The following AIFM2 variants were observed in gnomAD, a reference collection of about 807,000 sequenced individuals.
AIFM2 encodes the protein ferroptosis suppressor protein 1.
A neutral mutation model predicts 35.7 loss-of-function variants in AIFM2; 38 were observed. The ratio of observed to expected loss-of-function variants is 1.06; its 90% CI spans 0.82 to 1.39. The LOEUF is 1.39. AIFM2 is among the 40% of genes most tolerant of loss of function. AIFM2 has a pLI of 0.00. For missense variants in AIFM2, 476 were observed against 491.2 expected, an observed-to-expected ratio of 0.97 and a Z score of 0.29; for synonymous variants, 185 against 203.5, an observed-to-expected ratio of 0.91 and a Z score of 0.77.
rs1378894876 is a variant in AIFM2, at chr10:70,112,929, C to T, written c.*1249G>A. ...CACAAAGTCCCTCAAGGGCCCTCTC[C>T]CCATTCCCAGCATCAGCTGGAGTTT... is the stretch of plus-strand genomic sequence containing the variant. On this transcript the variant is annotated 3_prime_UTR_variant, in exon 9 of 9. Transcript: ENST00000307864. 1 of 152,214 alleles carries T rather than the reference C, an allele frequency of 6.6e-6. No homozygotes were observed. The highest frequency in any genetic ancestry group is 1.5e-5 in the Non-Finnish European group (1 of 68,044). The allele number at this position is 152,214 out of a possible 1,614,324, so 9.4% of individuals were successfully genotyped here.
At chr10:70,123,608 A>T in intron 2 of AIFM2, 88 bp from the exon 3 acceptor site, 1 of 1,229,908 alleles carries the variant, frequency 8.1e-7, no homozygotes, top group Non-Finnish European at 1.2e-6. Context: ...ACGAGCTGCA[A>T]ACCAACAGGG....
Position 70,116,717 on chromosome 10 carries a change from T to C in AIFM2, c.674A>G (p.Lys225Arg), listed in dbSNP as rs139356482. The C allele has an allele frequency of 9.2e-5, 149 of 1,614,190 alleles. 1 individual carries two copies. In the African/African-American group the frequency reaches 1.5e-3, roughly 16 times the overall value. Residue 225 changes from lysine (K) to arginine (R), a missense_variant, in exon 7 of 9, where the codon AAA becomes AGA. Lys to Arg is a conservative substitution (Grantham distance 26). Coordinates refer to ENST00000307864, the MANE Select transcript of AIFM2 (RefSeq NM_032797.6). ...LPLNEYREYI[K>R]VQTDKGTEVA... ...CTCTGTGCCTTTGTCCGTCTGCACT[T>C]TGATGTACTCTCGATACTCATTGAG...
chr10:70,129,954 C>A (rs2072610616), intron 1 of AIFM2, among the ~76,000 whole-genome samples: 1 of 151,892 alleles, frequency 6.6e-6, no homozygotes, highest in Non-Finnish European at 1.5e-5. Context: ...GAGGCCAATG[C>A]AGGCAGATTG....
chr10:70,119,349 G>A (rs981156606), intron 5 of AIFM2, among the ~76,000 whole-genome samples: 6 of 152,328 alleles, frequency 3.9e-5, no homozygotes, highest in Admixed American at 2.0e-4. Context: ...GGACAGAAGC[G>A]TGGGTAAGCT....
In AIFM2 at chr10:70,123,966, A is replaced by G. The variant is rs2072538533; in HGVS notation, c.119T>C (p.Val40Ala). Residue 40 changes from valine to alanine, a missense_variant, in exon 2 of 9, where the codon GTG (valine) becomes GCG (alanine). Transcript: ENST00000307864. ...LQALNVPFMLVDMKDSFHHNV... is the reference protein window; with the variant it reads ...LQALNVPFMLADMKDSFHHNV... ...GTGGTGGAAGGAGTCCTTCATGTCC[A>G]CCAGCATGAAGGGGACGTTCAGGGC... 5 of 1,612,102 alleles carry G rather than the reference A, an allele frequency of 3.1e-6. No homozygotes were observed. The highest frequency in any genetic ancestry group is 4.2e-6 in the Non-Finnish European group (5 of 1,178,880).
Position 70,114,199 on chromosome 10 carries a change from G to A in AIFM2, c.1101C>T (p.Thr367=). 1 of 1,613,468 alleles carries A rather than the reference G, an allele frequency of 6.2e-7. No individual in the cohort carries two copies. The change falls in exon 9 of 9, where the codon ACC becomes ACT. Residue 367 remains threonine (T), a synonymous_variant. Transcript: ENST00000307864. ...RDLFVSTSWK[T]MRQSPP is the part of the protein sequence containing the mutation. ...TCCATCAAGGTGGAGACTGCCTCATGGTTTTCCAGCTCGTAGAGACGAACA... is the reference window on the plus strand; with the variant it reads ...TCCATCAAGGTGGAGACTGCCTCATAGTTTTCCAGCTCGTAGAGACGAACA...
intron 5 of AIFM2, chr10:70,118,165 A>G (rs1011429040): frequency 6.7e-6 from 3 of 444,496 alleles, no homozygotes; most frequent in Non-Finnish European, 1.2e-5. Context: ...CCAATATGCC[A>G]ACATGTCACA....
intron 3 of AIFM2, 98 bp from the exon 4 acceptor site, chr10:70,121,309 G>A (rs1464267458): frequency 3.6e-6 from 5 of 1,406,136 alleles, no homozygotes; most frequent in Admixed American, 3.1e-5. Flanking sequence ...CTCCCGGCCT[G>A]CCAGCCGGGA....
Position 70,117,727 on chromosome 10 carries a change from C to A in AIFM2, c.616+85G>T. On this transcript the variant is annotated intron_variant, in intron 6 of 8. Transcript: ENST00000307864. The surrounding 1 kb of genome is among the most constrained non-coding windows in gnomAD (Gnocchi z 4.7). Reference sequence around the variant, plus strand: ...GAGCCTGGGGTGGACCATAGCCACCCTCCTGCTGGAAGCAGTCACCAAGCC... The same window carrying A: ...GAGCCTGGGGTGGACCATAGCCACCATCCTGCTGGAAGCAGTCACCAAGCC... 8.7e-7 allele frequency: 1 copy of A among 1,149,094 alleles called. No individual in the cohort carries two copies. The allele number at this position is 1,149,094 out of a possible 1,614,324, so 71.2% of individuals were successfully genotyped here.
chr10:70,120,742 C>T (rs1394282953), intron 4 of AIFM2, 143 bp from the exon 5 acceptor site: 5 of 887,192 alleles, frequency 5.6e-6, no homozygotes, highest in Non-Finnish European at 8.9e-6. Context: ...AAACGTGCTT[C>T]CTCCCACCCA....
chr10:70,120,793 C>A (rs990605063), intron 4 of AIFM2, among the ~76,000 whole-genome samples, 194 bp from the exon 5 acceptor site: 1 of 152,190 alleles, frequency 6.6e-6, no homozygotes, highest in Non-Finnish European at 1.5e-5. Context: ...TCTAAGCCTG[C>A]TCTACAAAAC....
chr10:70,123,297 G>C (rs966002719), intron 3 of AIFM2, 108 bp downstream of exon 3: 1 of 927,480 alleles, frequency 1.1e-6, no homozygotes, highest in Non-Finnish European at 1.6e-6. Context: ...GAGATTACAG[G>C]TGTGAGCCAC....
intron 3 of AIFM2, among the ~76,000 whole-genome samples, chr10:70,122,639 G>A (rs1349531187): frequency 3.3e-5 from 5 of 152,212 alleles, no homozygotes; most frequent in African/African-American, 7.2e-5. Flanking sequence ...GGGACCATGC[G>A]TGTGCCTTTT....
rs201625501 is a variant in AIFM2 at position 70,114,319 on chromosome 10, C to T, written c.981G>A (p.Thr327=). The change falls in exon 9 of 9, where the codon ACG becomes ACA. Residue 327 remains threonine, a synonymous_variant. Transcript: ENST00000307864. The part of the protein sequence containing the change: ...PLQAYKPGAL[T]FLLSMGRNDG... Reference sequence around the variant, plus strand: ...CATTTCTCCCCATGGACAGGAGGAACGTCAGTGCACCTGCAAGCAGAGACA... The same window carrying T: ...CATTTCTCCCCATGGACAGGAGGAATGTCAGTGCACCTGCAAGCAGAGACA... 22 of 1,613,818 alleles carry T rather than the reference C, an allele frequency of 1.4e-5. No individual in the cohort carries two copies. The highest frequency in any genetic ancestry group is 1.9e-5 in the Non-Finnish European group (22 of 1,180,002).
chr10:70,129,366 T>C (rs1173827565), intron 1 of AIFM2, among the ~76,000 whole-genome samples: 1 of 151,918 alleles, frequency 6.6e-6, no homozygotes, highest in East Asian at 1.9e-4. Context: ...TTTATATATA[T>C]ATATATAAAA....
At position 70,117,868 on chromosome 10, in the gene AIFM2, G is replaced by A. The variant is rs752400502; in HGVS notation, c.560C>T (p.Ser187Phe). 26 of 1,605,432 alleles carry A rather than the reference G, an allele frequency of 1.6e-5. No homozygotes were observed. The highest frequency in any genetic ancestry group is 2.2e-5 in the Non-Finnish European group (26 of 1,176,944). The change falls in exon 6 of 9, where the codon TCC becomes TTC. Residue 187 changes from serine (S) to phenylalanine (F), a missense_variant. Physicochemically the swap from Ser to Phe is radical, Grantham distance 155 (BLOSUM62 -2). Coordinates refer to ENST00000307864, the MANE Select transcript of AIFM2 (RefSeq NM_032797.6). The surrounding 1 kb of genome is among the most constrained non-coding windows in gnomAD (Gnocchi z 4.7). ...GATCTCCTTCACTTCCTGCCGGACGGAGGGCAGGAGCTCCTTGTCAGCCAG... is the reference window on the plus strand; with the variant it reads ...GATCTCCTTCACTTCCTGCCGGACGAAGGGCAGGAGCTCCTTGTCAGCCAG... ...VALADKELLPSVRQEVKEILL... is the reference protein window; with the variant it reads ...VALADKELLPFVRQEVKEILL...
chr10:70,125,316 T>C (rs2136663873), intron 1 of AIFM2, among the ~76,000 whole-genome samples: 1 of 151,822 alleles, frequency 6.6e-6, no homozygotes, highest in African/African-American at 2.4e-5. Context: ...CTTGTAGAGA[T>C]GGGGCTGGGT....
chr10:70,129,205 A>ATCC (rs2072601375), intron 1 of AIFM2, among the ~76,000 whole-genome samples: 1 of 149,492 alleles, frequency 6.7e-6, no homozygotes, highest in Non-Finnish European at 1.5e-5. Flanking sequence ...CCCTCAAGGG[A>ATCC]TCCTCCTGCC....
chr10:70,123,314 C>A, intron 3 of AIFM2, 91 bp downstream of exon 3: 1 of 1,147,212 alleles, frequency 8.7e-7, no homozygotes, highest in South Asian at 1.4e-5. Flanking sequence ...CCACCGCCCC[C>A]AGCCTAGCTC....
Sources: gnomAD v4.1 joint callset for allele counts (sites outside exome capture counted in the v4.1 genomes callset) on GRCh38, gnomAD v4.1.1 for gene constraint, Gnocchi (gnomAD v3.1) non-coding constraint, MANE v1.5 for transcripts, NCBI Gene and HGNC (gene_info 2026-07-23, HGNC 2026-07-21) for gene names.